The following NOS1AP variants were observed in gnomAD, a reference collection of about 807,000 sequenced individuals.
The protein encoded by NOS1AP is carboxyl-terminal PDZ ligand of neuronal nitric oxide synthase protein.
A neutral mutation model predicts 56.2 loss-of-function variants in NOS1AP; 21 were observed. The observed-to-expected ratio is 0.37, with a 90% CI of 0.26 to 0.54. The LOEUF (loss-of-function observed/expected upper bound fraction) is 0.54. NOS1AP is among the 20% of genes least tolerant of loss of function. NOS1AP has a pLI of 0.84. For missense variants in NOS1AP, 522 were observed against 657.8 expected (o/e 0.79, Z 2.26); for synonymous variants, 270 against 274.6 (o/e 0.98, Z 0.17).
chr1:162,159,262 A>T (rs1450967189), intron 2 of NOS1AP, among the ~76,000 whole-genome samples: 1 of 152,128 alleles, frequency 6.6e-6, no homozygotes, highest in Non-Finnish European at 1.5e-5. Flanking sequence ...GCCAGACTTG[A>T]GTCTTCTCCT....
At chr1:162,202,292 A>T (rs967336775) in intron 2 of NOS1AP, among the ~76,000 whole-genome samples, 3 of 152,218 alleles carry the variant, frequency 2.0e-5, no homozygotes, top group Non-Finnish European at 4.4e-5. Flanking sequence ...TAATTTTTTT[A>T]AAAAATCAGT....
intron 2 of NOS1AP, among the ~76,000 whole-genome samples, chr1:162,161,168 C>T (rs559875884): frequency 2.6e-5 from 4 of 152,186 alleles, no homozygotes; most frequent in Non-Finnish European, 5.9e-5. Flanking sequence ...CCCAGTAATC[C>T]AGGATAATCT....
intron 3 of NOS1AP, among the ~76,000 whole-genome samples, chr1:162,298,788 C>T (rs181994595): frequency 4.9e-4 from 75 of 152,242 alleles, no homozygotes; most frequent in African/African-American, 1.7e-3. Flanking sequence ...AACAATGCTT[C>T]CACGAGCAGC....
chr1:162,190,954 G>T (rs1364972160), intron 2 of NOS1AP, among the ~76,000 whole-genome samples: 1 of 152,080 alleles, frequency 6.6e-6, no homozygotes, highest in Non-Finnish European at 1.5e-5. Context: ...TGAGATGCTA[G>T]GGTAACCATC....
intron 1 of NOS1AP, among the ~76,000 whole-genome samples, chr1:162,135,850 A>C (rs1312935552): frequency 6.6e-6 from 1 of 152,164 alleles, no homozygotes; most frequent in African/African-American, 2.4e-5. Flanking sequence ...TTAGGAATGG[A>C]ATATTGTAAT....
intron 2 of NOS1AP, among the ~76,000 whole-genome samples, chr1:162,182,439 G>T (rs1025603917): frequency 1.3e-5 from 2 of 152,204 alleles, no homozygotes; most frequent in Non-Finnish European, 2.9e-5. Flanking sequence ...ACTGACCAGG[G>T]TGCTGGATGC....
Position 162,070,134 on chromosome 1 carries a change from C to T in NOS1AP, c.-44C>T, listed in dbSNP as rs771266697. The stretch of plus-strand genomic sequence containing the variant: ...TCCCCGGGGTCTCGCCAGCCCCTTC[C>T]TGCAGCCGCCGCCTCCGAAGGAGCG... On this transcript the variant is annotated 5_prime_UTR_variant, in exon 1 of 10. Coordinates refer to ENST00000361897, the MANE Select transcript of NOS1AP (RefSeq NM_014697.3). 2.0e-6 allele frequency: 3 copies of T among 1,535,396 alleles called. No homozygotes were observed. The highest frequency in any genetic ancestry group is 2.2e-5 in the South Asian group (2 of 89,398).
chr1:162,351,902 G>A (rs775428202), intron 6 of NOS1AP, among the ~76,000 whole-genome samples: 1 of 152,080 alleles, frequency 6.6e-6, no homozygotes, highest in Non-Finnish European at 1.5e-5. Context: ...AGCCCTTCCT[G>A]AAGTTACCAG....
At chr1:162,361,557 A>C (rs1325049530) in intron 8 of NOS1AP, among the ~76,000 whole-genome samples, 4 of 152,180 alleles carry the variant, frequency 2.6e-5, no homozygotes, top group Non-Finnish European at 5.9e-5. Context: ...GCCCAGTACC[A>C]CTTTTGACAG....
chr1:162,356,963 T>C lies in NOS1AP; in HGVS notation c.766T>C (p.Ser256Pro). ...EGGSHTGSKV[S>P]HPQEPMLTAS... is the part of the protein sequence containing the mutation. ...CTGTCTTCTCCTTCTCCTCCAGGTTTCGCACCCCCAGGAGCCCATGCTGAC... is the reference window on the plus strand; with the variant it reads ...CTGTCTTCTCCTTCTCCTCCAGGTTCCGCACCCCCAGGAGCCCATGCTGAC... The change falls in exon 8 of 10, where the codon TCG (serine) becomes CCG (proline). Residue 256 changes from serine (S) to proline (P), a missense_variant. Physicochemically the swap from Ser to Pro is moderately conservative, Grantham distance 74. Around this residue, in one of 4 missense-constraint regions of NOS1AP, gnomAD observed 178 missense variants for 165.0 expected, o/e 1.08. Transcript: ENST00000361897. 6.2e-7 allele frequency: 1 copy of C among 1,614,112 alleles called. No homozygotes were observed. The highest frequency in any genetic ancestry group is 8.5e-7 in the Non-Finnish European group (1 of 1,180,040).
At chr1:162,325,522 CT>C (rs1428702318) in intron 4 of NOS1AP, among the ~76,000 whole-genome samples, 1 of 152,144 alleles carries the variant, frequency 6.6e-6, no homozygotes, top group Non-Finnish European at 1.5e-5. Flanking sequence ...CCCAGTCCCT[CT>C]AAGGATAACA....
In NOS1AP at chr1:162,273,931, A is replaced by G. The variant is rs545211175; in HGVS notation, c.178-13413A>G. Among the ~76,000 whole-genome samples, 4 of 152,320 alleles carry G rather than the reference A, an allele frequency of 2.6e-5. No homozygotes were observed. The South Asian group carries it at 8.3e-4, about 32-fold the overall frequency. ...TTTTATTTTTGAGTAGTATTCTATT[A>G]TATGGATATACCACAATTTGCTTAT... is the stretch of plus-strand genomic sequence containing the variant. On this transcript the variant is annotated intron_variant, in intron 2 of 9. Coordinates refer to ENST00000361897, the MANE Select transcript of NOS1AP (RefSeq NM_014697.3).
intron 3 of NOS1AP, among the ~76,000 whole-genome samples, chr1:162,300,086 G>T (rs540037200): frequency 2.3e-4 from 35 of 152,298 alleles, no homozygotes; most frequent in Non-Finnish European, 3.8e-4. Flanking sequence ...AAAGGCGGAT[G>T]AAGGTAGAGC....
At position 162,204,448 on chromosome 1, in the gene NOS1AP, C is replaced by A. The variant is rs573862210; in HGVS notation, c.177+49972C>A. Reference sequence around the variant, plus strand: ...ATTAAAATGGCTCACATTTTTGTTGCCTCTGTGTGGGCAGGTGATGACTGG... The same window carrying A: ...ATTAAAATGGCTCACATTTTTGTTGACTCTGTGTGGGCAGGTGATGACTGG... On this transcript the variant is annotated intron_variant, in intron 2 of 9. Coordinates refer to ENST00000361897, the MANE Select transcript of NOS1AP (RefSeq NM_014697.3). 9.9e-5 allele frequency among the ~76,000 whole-genome samples: 15 copies of A among 152,244 alleles called. No homozygotes were observed. The South Asian group carries it at 2.9e-3, about 29-fold the overall frequency.
At chr1:162,305,547 A>C (rs1655798640) in intron 4 of NOS1AP, among the ~76,000 whole-genome samples, 1 of 152,108 alleles carries the variant, frequency 6.6e-6, no homozygotes, top group African/African-American at 2.4e-5. Context: ...AAATATATAG[A>C]TCTTTTTCTC....
intron 4 of NOS1AP, among the ~76,000 whole-genome samples, chr1:162,308,644 C>T (rs1247251646): frequency 6.6e-6 from 1 of 152,180 alleles, no homozygotes; most frequent in Non-Finnish European, 1.5e-5. Flanking sequence ...TGTTGCCCCT[C>T]CATTCTGCAG....
At chr1:162,147,182 A>T (rs2102083949) in intron 1 of NOS1AP, among the ~76,000 whole-genome samples, 1 of 152,102 alleles carries the variant, frequency 6.6e-6, no homozygotes, top group Non-Finnish European at 1.5e-5. Context: ...ACAAAAAATT[A>T]GCCAGGTGGG....
At chr1:162,253,459 T>C (rs1260224216) in intron 2 of NOS1AP, among the ~76,000 whole-genome samples, 10 of 152,194 alleles carry the variant, frequency 6.6e-5, no homozygotes, top group Non-Finnish European at 1.3e-4. Flanking sequence ...AGAAAACTTA[T>C]ACTTTGCCCA....
intron 2 of NOS1AP, among the ~76,000 whole-genome samples, chr1:162,186,380 T>C (rs10127719): frequency 0.22 from 33,245 of 151,658 alleles, 4,075 homozygotes; most frequent in East Asian, 0.38. Flanking sequence ...TATAAAGTGT[T>C]TTGAAAAGAT....
Sources: allele counts gnomAD v4.1 joint callset (sites outside exome capture counted in the v4.1 genomes callset), GRCh38; gene constraint gnomAD v4.1.1; regional missense constraint gnomAD v4.1.1; transcripts MANE v1.5; gene names NCBI Gene and HGNC (gene_info 2026-07-23, HGNC 2026-07-21).